ECM2: variants seen among roughly 807,000 people sequenced by gnomAD.
The protein encoded by ECM2 is extracellular matrix protein 2.
Under a neutral mutation model 67.5 loss-of-function variants are expected in ECM2, and 57 were observed. The observed-to-expected ratio is 0.84, with a 90% CI of 0.68 to 1.05. The LOEUF (loss-of-function observed/expected upper bound fraction) is 1.05. ECM2 is among the 50% of genes least tolerant of loss of function. The pLI is 0.00. For missense variants in ECM2, 741 were observed against 822.8 expected (o/e 0.90, Z 1.22); for synonymous variants, 258 against 294.5 (o/e 0.88, Z 1.27).
At chr9:92,503,451 T>G (rs551973269) in intron 7 of ECM2, among the ~76,000 whole-genome samples, 219 of 152,344 alleles carry the variant, frequency 1.4e-3, no homozygotes, top group African/African-American at 4.8e-3. Flanking sequence ...TATAATATTT[T>G]AGGCTCATGT....
chr9:92,552,099 A>ATCTATCATATATGTGATATGATAGG, the ECM2 span, among the ~76,000 whole-genome samples: 1 of 120,670 alleles, frequency 8.3e-6, no homozygotes, highest in South Asian at 2.7e-4. Context: ...GATATGATAG[A>ATCTATCATATATGTGATATGATAGG]TCTATCATAT....
At chr9:92,495,083 C>G (rs1846286073), downstream of ECM2, among the ~76,000 whole-genome samples, 1 of 152,108 alleles carries the variant, frequency 6.6e-6, no homozygotes, top group African/African-American at 2.4e-5. Flanking sequence ...ACATTCTTTT[C>G]TAGTTCTTAT....
chr9:92,544,086 G>A, the ECM2 span, among the ~76,000 whole-genome samples: 6 of 152,298 alleles, frequency 3.9e-5, no homozygotes, highest in South Asian at 6.2e-4. Context: ...TAGAAGTTGC[G>A]TGAGTCAGCA....
intron 1 of ECM2, among the ~76,000 whole-genome samples, chr9:92,531,685 A>G (rs1187713314): frequency 2.0e-5 from 3 of 152,094 alleles, no homozygotes; most frequent in Non-Finnish European, 2.9e-5. Context: ...CCGCCCCTCA[A>G]TTGAGAACCA....
At chr9:92,534,455 A>C (rs1219948075) in intron 1 of ECM2, among the ~76,000 whole-genome samples, 1 of 152,222 alleles carries the variant, frequency 6.6e-6, no homozygotes, top group Non-Finnish European at 1.5e-5. Context: ...TCATGCCAGC[A>C]TACAAACCTT....
intron 2 of ECM2, among the ~76,000 whole-genome samples, chr9:92,520,489 G>T (rs1485035007): frequency 6.6e-6 from 1 of 152,162 alleles, no homozygotes; most frequent in African/African-American, 2.4e-5. Flanking sequence ...TAGAGAAACT[G>T]GAGTCCTCTT....
chr9:92,493,652 A>G (rs1406278220), downstream of ECM2: 2 of 153,784 alleles, frequency 1.3e-5, no homozygotes, highest in Admixed American at 1.3e-4. Flanking sequence ...TTAGTACATT[A>G]TATTGTGAAG....
the ECM2 span, among the ~76,000 whole-genome samples, chr9:92,546,227 G>T: frequency 6.6e-6 from 1 of 152,168 alleles, no homozygotes; most frequent in East Asian, 1.9e-4. Context: ...CTGTAAAACA[G>T]ACCAATCAGC....
chr9:92,504,758 C>CA (rs1243432975), intron 7 of ECM2, among the ~76,000 whole-genome samples: 1 of 152,152 alleles, frequency 6.6e-6, no homozygotes, highest in African/African-American at 2.4e-5. Flanking sequence ...AGGCTACTCT[C>CA]AAACTCCTGG....
At chr9:92,511,165 G>A (rs775576588) in intron 5 of ECM2, among the ~76,000 whole-genome samples, 6 of 151,996 alleles carry the variant, frequency 3.9e-5, no homozygotes, top group Admixed American at 6.5e-5. Flanking sequence ...TTCCTCTGTC[G>A]CCCAGGCTGG....
At chr9:92,541,704 C>A in the ECM2 span, among the ~76,000 whole-genome samples, 2 of 151,930 alleles carry the variant, frequency 1.3e-5, no homozygotes, top group South Asian at 4.2e-4. Flanking sequence ...CGCTGATGGA[C>A]ACTTAGGTTG....
the ECM2 span, among the ~76,000 whole-genome samples, chr9:92,543,471 CAAAAAAAAAA>C: frequency 2.9e-4 from 13 of 44,538 alleles, no homozygotes; most frequent in East Asian, 1.8e-3. Flanking sequence ...AACCCTGTCT[CAAAAAAAAAA>C]AAAAAAAAAA....
chr9:92,495,519 T>C lies in ECM2; in HGVS notation c.*796A>G, dbSNP rs1846304222. On this transcript the variant is annotated 3_prime_UTR_variant, in exon 10 of 10. Coordinates refer to ENST00000344604, the MANE Select transcript of ECM2 (RefSeq NM_001393.4). ...AGGTTATAGTCAAGAATAATTAATTTGTATTTTAAGCAAACTCTACTGCTT... is the reference window on the plus strand; with the variant it reads ...AGGTTATAGTCAAGAATAATTAATTCGTATTTTAAGCAAACTCTACTGCTT... 7.1e-6 allele frequency: 7 copies of C among 983,556 alleles called. No homozygotes were observed. Among genetic ancestry groups the C allele is most frequent in the African/African-American group, 1.7e-5 (1 of 57,202 alleles). The allele number at this position is 983,556 out of a possible 1,614,324, so 60.9% of individuals were successfully genotyped here.
At chr9:92,502,374 A>C in intron 8 of ECM2, 139 bp downstream of exon 8, 1 of 1,057,548 alleles carries the variant, frequency 9.5e-7, no homozygotes, top group Non-Finnish European at 1.4e-6. Flanking sequence ...GTAAGGGTTC[A>C]CTAAGAAACG....
downstream of ECM2, among the ~76,000 whole-genome samples, chr9:92,494,890 A>G (rs562254899): frequency 6.6e-6 from 1 of 152,256 alleles, no homozygotes; most frequent in African/African-American, 2.4e-5. Flanking sequence ...CTGGCGACAG[A>G]GTGACACTCC....
At chr9:92,517,376 A>G in intron 3 of ECM2, 1 of 533,230 alleles carries the variant, frequency 1.9e-6, no homozygotes, top group South Asian at 2.3e-5. Context: ...CCCTTAATGC[A>G]ATAAGAATTC....
the ECM2 span, among the ~76,000 whole-genome samples, chr9:92,557,976 T>G: frequency 5.3e-5 from 8 of 152,272 alleles, no homozygotes; most frequent in East Asian, 1.2e-3. Context: ...TGTCCAAAGT[T>G]TCCTGAGTTT....
chr9:92,514,815 C>T lies in ECM2; in HGVS notation c.870G>A (p.Glu290=), dbSNP rs768433001. The T allele has an allele frequency of 9.9e-6, 16 of 1,613,194 alleles. No homozygotes were observed. The highest frequency in any genetic ancestry group is 1.4e-5 in the Non-Finnish European group (16 of 1,179,662). ...EEGEEDEEDE[E]DPVRGDMFRM... is the part of the protein sequence containing the mutation. ...GGAACATATCTCCTCTTACCGGGTC[C>T]TCCTCGTCCTCCTCATCCTCCTCAC... The change falls in exon 4 of 10, where the codon GAG becomes GAA. Residue 290 remains glutamate (E), a synonymous_variant. Transcript: ENST00000344604.
At chr9:92,556,314 T>G in the ECM2 span, among the ~76,000 whole-genome samples, 1 of 152,182 alleles carries the variant, frequency 6.6e-6, no homozygotes, top group Non-Finnish European at 1.5e-5. Flanking sequence ...TATCATATGG[T>G]CTATCTTGGA....
Sources: allele counts gnomAD v4.1 joint callset (sites outside exome capture counted in the v4.1 genomes callset), GRCh38; gene constraint gnomAD v4.1.1; transcripts MANE v1.5; gene names NCBI Gene and HGNC (gene_info 2026-07-23, HGNC 2026-07-21).